Variants in EPAS1 observed in about 807,000 individuals in gnomAD.
The protein encoded by EPAS1 is endothelial PAS domain-containing protein 1.
Under a neutral mutation model 87.9 loss-of-function variants are expected in EPAS1, and 23 were observed. The observed-to-expected ratio is 0.26, with a 90% CI of 0.19 to 0.37. The LOEUF is 0.37. EPAS1 is among the 10% of genes least tolerant of loss of function. The probability of loss-of-function intolerance (pLI) is 1.00; values close to 1 mark genes in which losing one functional copy is unlikely to be tolerated. For missense variants in EPAS1, 1,138 were observed against 1,120.7 expected (o/e 1.02, Z -0.22); for synonymous variants, 508 against 444.3 (o/e 1.14, Z -1.80).
rs1418956305 is a variant in EPAS1, at chr2:46,375,247, T to TC, written c.887-437dup. On this transcript the variant is annotated intron_variant, in intron 7 of 15. Coordinates refer to ENST00000263734, the MANE Select transcript of EPAS1 (RefSeq NM_001430.5). The surrounding 1 kb of genome is among the most constrained non-coding windows in gnomAD (Gnocchi z 4.1). Reference sequence around the variant, plus strand: ...AGGCTTTCTCCAGGCTGCTTAGAAGTCCCCCCACCTGGAGTGCTTGACGGG... The same window carrying TC: ...AGGCTTTCTCCAGGCTGCTTAGAAGTCCCCCCCACCTGGAGTGCTTGACGGG... Among the ~76,000 whole-genome samples the TC allele has an allele frequency of 8.4e-6, 1 of 119,320 alleles. No homozygotes were observed. Among genetic ancestry groups the TC allele is most frequent in the African/African-American group, 3.4e-5 (1 of 29,686 alleles). The allele number at this position is 119,320 out of a possible 152,430, so 78.3% of individuals were successfully genotyped here. A position where few individuals can be genotyped will look rare whatever the true frequency, so the allele number is the denominator to read the frequency against.
Position 46,360,041 on chromosome 2 carries a change from A to G in EPAS1, c.455-597A>G, listed in dbSNP as rs1322772419. Among the ~76,000 whole-genome samples the G allele has an allele frequency of 3.3e-5, 5 of 152,214 alleles. No individual in the cohort carries two copies. Among genetic ancestry groups the G allele is most frequent in the Non-Finnish European group, 7.3e-5 (5 of 68,038 alleles). ...TCCACTGTAAGGAGATTCGTACCAGAGTTCTCTCTAGAGCCTTGATACATA... is the reference window on the plus strand; with the variant it reads ...TCCACTGTAAGGAGATTCGTACCAGGGTTCTCTCTAGAGCCTTGATACATA... On this transcript the variant is annotated intron_variant, in intron 4 of 15. Transcript: ENST00000263734. The surrounding 1 kb of genome is among the most constrained non-coding windows in gnomAD (Gnocchi z 4.5).
Position 46,361,363 on chromosome 2 carries a change from C to A in EPAS1, c.779+273C>A, listed in dbSNP as rs140008140. Among the ~76,000 whole-genome samples, 13 of 152,286 alleles carry A rather than the reference C, an allele frequency of 8.5e-5. No individual in the cohort carries two copies. The East Asian group carries it at 2.3e-3, about 27-fold the overall frequency. ...TCATCATTGTGGTGTGAACATATTT[C>A]TCCATACGTGTATCAGGCTCCTGAG... On this transcript the variant is annotated intron_variant, in intron 6 of 15. Coordinates refer to ENST00000263734, the MANE Select transcript of EPAS1 (RefSeq NM_001430.5).
intron 9 of EPAS1, among the ~76,000 whole-genome samples, chr2:46,377,151 G>A (rs929247753): frequency 3.3e-5 from 5 of 152,210 alleles, no homozygotes; most frequent in Non-Finnish European, 5.9e-5. Context: ...CAGATGGCTT[G>A]TTCAGGCAGA....
intron 1 of EPAS1, among the ~76,000 whole-genome samples, chr2:46,327,909 A>C (rs1012376585): frequency 1.3e-5 from 2 of 152,190 alleles, no homozygotes; most frequent in African/African-American, 4.8e-5. Flanking sequence ...ATATTGCCTC[A>C]TGCCTCCTGA....
intron 1 of EPAS1, among the ~76,000 whole-genome samples, chr2:46,314,045 C>T (rs1683267458): frequency 6.6e-6 from 1 of 152,004 alleles, no homozygotes; most frequent in Non-Finnish European, 1.5e-5. Flanking sequence ...GATGAAACAA[C>T]TGAGGCACAA....
In EPAS1 at chr2:46,297,918, G is replaced by A. The variant is rs759895556; in HGVS notation, c.7G>A (p.Ala3Thr). Residue 3 changes from alanine (A) to threonine (T), a missense_variant, in exon 1 of 16, where the codon GCT (alanine) becomes ACT (threonine). This residue lies in a region of EPAS1 where 351 missense variants were observed against 417.1 expected (regional missense o/e 0.84). Coordinates refer to ENST00000263734, the MANE Select transcript of EPAS1 (RefSeq NM_001430.5). ...TCAAAGGGCCACAGCGACAATGACA[G>A]CTGACAAGGAGAAGAAAAGGTAAGC... The part of the protein sequence containing the change: MT[A>T]DKEKKRSSSE... 1.6e-5 allele frequency: 26 copies of A among 1,612,408 alleles called. 1 individual carries two copies. The Admixed American group carries it at 3.2e-4, about 20-fold the overall frequency.
rs2103683232 is a variant in EPAS1 at position 46,384,876 on chromosome 2, C to T, written c.*216C>T. Reference sequence around the variant, plus strand: ...AAAGTACACAATTGTTTTACCTGTTCTGAAATGTTCTTAAATTTTGTAGGA... The same window carrying T: ...AAAGTACACAATTGTTTTACCTGTTTTGAAATGTTCTTAAATTTTGTAGGA... On this transcript the variant is annotated 3_prime_UTR_variant, in exon 16 of 16. Transcript: ENST00000263734. The T allele has an allele frequency of 1.6e-6, 1 of 610,584 alleles. No homozygotes were observed. Among genetic ancestry groups the T allele is most frequent in the South Asian group, 2.0e-5 (1 of 50,034 alleles). The allele number at this position is 610,584 out of a possible 1,614,324, so 37.8% of individuals were successfully genotyped here.
Position 46,346,873 on chromosome 2 carries a change from G to T in EPAS1, c.27G>T (p.Arg9Ser). Residue 9 changes from arginine to serine, a missense_variant and splice_region_variant, in exon 2 of 16, where the codon AGG becomes AGT. Arg to Ser is a moderately radical substitution (Grantham distance 110, BLOSUM62 -1). Around this residue, in one of 4 missense-constraint regions of EPAS1, gnomAD observed 351 missense variants for 417.1 expected, o/e 0.84. Coordinates refer to ENST00000263734, the MANE Select transcript of EPAS1 (RefSeq NM_001430.5). This position sits in a 1 kb window ranked among gnomAD's most constrained non-coding sequence, Gnocchi z 4.0. ...GACTAACCCCTTCTTCTCCACTTAG[G>T]AGTAGCTCGGAGAGGAGGAAGGAGA... MTADKEKK[R>S]SSSERRKEKS... 1 of 1,614,208 alleles carries T rather than the reference G, an allele frequency of 6.2e-7. No homozygotes were observed. Among genetic ancestry groups the T allele is most frequent in the Middle Eastern group, 1.6e-4 (1 of 6,062 alleles).
chr2:46,365,650 G>T (rs1181513531), intron 6 of EPAS1, among the ~76,000 whole-genome samples: 1 of 152,236 alleles, frequency 6.6e-6, no homozygotes, highest in East Asian at 1.9e-4. Flanking sequence ...AGAGCTGGTT[G>T]TATAGATTTC....
At position 46,352,575 on chromosome 2, in the gene EPAS1, G is replaced by C. The variant is rs545566492; in HGVS notation, c.218-3576G>C. On this transcript the variant is annotated intron_variant, in intron 2 of 15. Coordinates refer to ENST00000263734, the MANE Select transcript of EPAS1 (RefSeq NM_001430.5). ...AGGCAGAAGGGTCTTCAGCAGATTT[G>C]TGACATGAGCCTCCACGGTGAGGGG... is the stretch of plus-strand genomic sequence containing the variant. Among the ~76,000 whole-genome samples the C allele has an allele frequency of 3.3e-5, 5 of 152,318 alleles. No individual in the cohort carries two copies. The South Asian group carries it at 1.0e-3, about 32-fold the overall frequency.
In EPAS1 at chr2:46,380,634, C is replaced by T. The variant is rs1189148792; in HGVS notation, c.1962C>T (p.Val654=). 8 of 1,614,100 alleles carry T rather than the reference C, an allele frequency of 5.0e-6. No individual in the cohort carries two copies. The South Asian group carries it at 5.5e-5, about 11-fold the overall frequency. The change falls in exon 12 of 16, where the codon GTC becomes GTT. Residue 654 remains valine, a synonymous_variant. Transcript: ENST00000263734. The surrounding 1 kb of genome is among the most constrained non-coding windows in gnomAD (Gnocchi z 4.4). Reference sequence around the variant, plus strand: ...ATTTTGGGCCCACAAAGTGGGCCGTCGGGGATCAGCGCACAGAGTTCTTGG... The same window carrying T: ...ATTTTGGGCCCACAAAGTGGGCCGTTGGGGATCAGCGCACAGAGTTCTTGG... ...PLHFGPTKWA[V]GDQRTEFLGA...
At position 46,380,567 on chromosome 2, in the gene EPAS1, G is replaced by A. The variant is rs972229509; in HGVS notation, c.1895G>A (p.Gly632Glu). Residue 632 changes from glycine (G) to glutamate (E), a missense_variant, in exon 12 of 16, where the codon GGG becomes GAG. Gly to Glu is a moderately conservative substitution (Grantham distance 98, BLOSUM62 -2). Transcript: ENST00000263734. This position sits in a 1 kb window ranked among gnomAD's most constrained non-coding sequence, Gnocchi z 4.4. The part of the protein sequence containing the change: ...GQASTPLSSM[G>E]GRSNTQWPPD... ...GCCAGCACCCCTCTCTCTTCCATGG[G>A]GGGCAGATCCAATACCCAGTGGCCC... The A allele has an allele frequency of 1.9e-6, 3 of 1,613,948 alleles. No individual in the cohort carries two copies. The highest frequency in any genetic ancestry group is 2.5e-6 in the Non-Finnish European group (3 of 1,180,016).
chr2:46,302,094 T>A (rs1339635408), intron 1 of EPAS1, among the ~76,000 whole-genome samples: 1 of 146,568 alleles, frequency 6.8e-6, no homozygotes, highest in Non-Finnish European at 1.5e-5. Flanking sequence ...CAGTTTAATT[T>A]ACTTAGAATG....
At chr2:46,377,708 C>G (rs1057291678) in intron 9 of EPAS1, among the ~76,000 whole-genome samples, 186 bp from the exon 10 acceptor site, 1 of 152,198 alleles carries the variant, frequency 6.6e-6, no homozygotes, top group Non-Finnish European at 1.5e-5. Context: ...GGAGTCTCTA[C>G]GTTGACTCAT....
At chr2:46,303,295 G>A (rs1274803194) in intron 1 of EPAS1, among the ~76,000 whole-genome samples, 1 of 152,172 alleles carries the variant, frequency 6.6e-6, no homozygotes, top group Non-Finnish European at 1.5e-5. Context: ...CACAGAGTAG[G>A]TGCTGACCAC....
chr2:46,356,586 T>A (rs1684276370), intron 3 of EPAS1, 138 bp from the exon 4 acceptor site: 1 of 772,944 alleles, frequency 1.3e-6, no homozygotes, highest in African/African-American at 1.7e-5. Context: ...TCTGTGGACC[T>A]GACACTGGAC....
chr2:46,350,800 G>A (rs542274308), intron 2 of EPAS1, among the ~76,000 whole-genome samples: 4 of 152,318 alleles, frequency 2.6e-5, no homozygotes, highest in Non-Finnish European at 4.4e-5. Context: ...GGAGATCAGC[G>A]TGAAGCAAGG....
At chr2:46,311,537 T>C (rs1683211901) in intron 1 of EPAS1, among the ~76,000 whole-genome samples, 1 of 152,092 alleles carries the variant, frequency 6.6e-6, no homozygotes, top group African/African-American at 2.4e-5. Flanking sequence ...GAAATTTGAG[T>C]CTAGCATCTA....
chr2:46,323,184 T>G (rs1446941905), intron 1 of EPAS1, among the ~76,000 whole-genome samples: 1 of 152,194 alleles, frequency 6.6e-6, no homozygotes, highest in Non-Finnish European at 1.5e-5. Context: ...TGTAAAAATC[T>G]AGACGAAGTT....
Sources: gnomAD v4.1 joint callset for allele counts (sites outside exome capture counted in the v4.1 genomes callset) on GRCh38, gnomAD v4.1.1 for gene constraint, gnomAD v4.1.1 regional missense constraint, Gnocchi (gnomAD v3.1) non-coding constraint, MANE v1.5 for transcripts, NCBI Gene and HGNC (gene_info 2026-07-23, HGNC 2026-07-21) for gene names.